Variants in GIMAP8 observed in about 807,000 individuals in gnomAD.
The protein encoded by GIMAP8 is GTPase, IMAP family member 8, also known as GTPase IMAP family member 8.
Under a neutral mutation model 35.6 loss-of-function variants are expected in GIMAP8, and 29 were observed. The ratio of observed to expected loss-of-function variants is 0.81; its 90% CI spans 0.61 to 1.11. GIMAP8 has a LOEUF of 1.11. Among genes scored for constraint, GIMAP8 ranks in the 50% most tolerant of loss-of-function variants. The probability of loss-of-function intolerance (pLI) is 0.00; values close to 1 mark genes in which losing one functional copy is unlikely to be tolerated. For synonymous variants in GIMAP8, 335 were observed against 308.7 expected (o/e 1.09, Z -0.89); for missense variants, 811 against 805.0 (o/e 1.01, Z -0.09).
rs1397323434 is a variant in GIMAP8 at position 150,474,653 on chromosome 7, A to G, written c.1309+15A>G. ...CAGAGAAAAAGGTAAAACTGTGAATAGGATATATATTTTTACATATATCAT... is the reference window on the plus strand; with the variant it reads ...CAGAGAAAAAGGTAAAACTGTGAATGGGATATATATTTTTACATATATCAT... On this transcript the variant is annotated intron_variant, in intron 4 of 4. Coordinates refer to ENST00000307271, the MANE Select transcript of GIMAP8 (RefSeq NM_175571.4). 1 of 1,501,234 alleles carries G rather than the reference A, an allele frequency of 6.7e-7. No individual in the cohort carries two copies. Among genetic ancestry groups the G allele is most frequent in the African/African-American group, 1.4e-5 (1 of 71,618 alleles). 93.0% of individuals were successfully genotyped at this position (1,501,234 alleles called of 1,614,324 possible).
intron 1 of GIMAP8, among the ~76,000 whole-genome samples, chr7:150,454,767 T>C (rs962772128): frequency 6.6e-6 from 1 of 152,214 alleles, no homozygotes; most frequent in Non-Finnish European, 1.5e-5. Flanking sequence ...GTAGTAGATG[T>C]CTCAATACAT....
chr7:150,469,405 T>C (rs1802040545), intron 2 of GIMAP8, among the ~76,000 whole-genome samples: 1 of 152,234 alleles, frequency 6.6e-6, no homozygotes, highest in South Asian at 2.1e-4. Flanking sequence ...ATTTCACTGG[T>C]TGTCTACCTA....
rs888530912 is a variant in GIMAP8, at chr7:150,478,057, G to A, written c.*277G>A. 11 of 461,980 alleles carry A rather than the reference G, an allele frequency of 2.4e-5. No individual in the cohort carries two copies. Among genetic ancestry groups the A allele is most frequent in the African/African-American group, 2.1e-4 (11 of 51,354 alleles). The allele number at this position is 461,980 out of a possible 1,614,324, so 28.6% of individuals were successfully genotyped here. A position where few individuals can be genotyped will look rare whatever the true frequency, so the allele number is the denominator to read the frequency against. On this transcript the variant is annotated 3_prime_UTR_variant, in exon 5 of 5. Coordinates refer to ENST00000307271, the MANE Select transcript of GIMAP8 (RefSeq NM_175571.4). The stretch of plus-strand genomic sequence containing the variant: ...GGCTGATAATAAGTGGTAGAATCAA[G>A]TCACAAGAATCACCTCACTTGTGTA...
At chr7:150,459,450 A>T (rs1472394043) in intron 1 of GIMAP8, among the ~76,000 whole-genome samples, 1 of 152,162 alleles carries the variant, frequency 6.6e-6, no homozygotes, top group Non-Finnish European at 1.5e-5. Flanking sequence ...CGAAGTAAAA[A>T]TGTTGCTAGT....
chr7:150,477,798 G>T lies in GIMAP8; in HGVS notation c.*18G>T, dbSNP rs770064512. 3 of 1,589,268 alleles carry T rather than the reference G, an allele frequency of 1.9e-6. No homozygotes were observed. Among genetic ancestry groups the T allele is most frequent in the South Asian group, 2.2e-5 (2 of 88,990 alleles). ...TACAATAGGTAGCCGAAGTGCCTGGGGTCTCTTCAATTAGAGACACCCTCA... is the reference window on the plus strand; with the variant it reads ...TACAATAGGTAGCCGAAGTGCCTGGTGTCTCTTCAATTAGAGACACCCTCA... On this transcript the variant is annotated 3_prime_UTR_variant, in exon 5 of 5. Transcript: ENST00000307271.
At chr7:150,455,138 C>CAA (rs57359256) in intron 1 of GIMAP8, among the ~76,000 whole-genome samples, 4 of 123,994 alleles carry the variant, frequency 3.2e-5, no homozygotes, top group Non-Finnish European at 6.8e-5. Flanking sequence ...AATTCCATCT[C>CAA]AAAAAAAAAA....
intron 4 of GIMAP8, 35 bp downstream of exon 4, chr7:150,474,673 T>C (rs752216427): frequency 1.5e-6 from 2 of 1,327,984 alleles, no homozygotes; most frequent in Non-Finnish European, 2.0e-6. Flanking sequence ...TTTTTACATA[T>C]ATCATTTAAA....
At chr7:150,474,689 G>A (rs747021994) in intron 4 of GIMAP8, 51 bp downstream of exon 4, 2 of 1,152,660 alleles carry the variant, frequency 1.7e-6, no homozygotes, top group Non-Finnish European at 2.3e-6. Flanking sequence ...TTAAAAATAG[G>A]TATAAAATAT....
chr7:150,462,388 A>G (rs1801860999), intron 1 of GIMAP8, among the ~76,000 whole-genome samples: 1 of 152,142 alleles, frequency 6.6e-6, no homozygotes, highest in African/African-American at 2.4e-5. Flanking sequence ...TAGTAATAAC[A>G]TTTGATTCCT....
At chr7:150,473,575 G>A (rs909251610) in intron 3 of GIMAP8, among the ~76,000 whole-genome samples, 25 of 149,110 alleles carry the variant, frequency 1.7e-4, no homozygotes, top group Admixed American at 1.4e-3. Context: ...ACTGCATATC[G>A]CTAGTTCACT....
chr7:150,474,783 T>C, intron 4 of GIMAP8, 145 bp downstream of exon 4: 1 of 474,140 alleles, frequency 2.1e-6, no homozygotes. Context: ...TGCAGGTTAG[T>C]TACATATGTA....
rs1185606527 is a variant in GIMAP8, at chr7:150,451,654, C to A, written c.-29+479C>A. Among the ~76,000 whole-genome samples the A allele has an allele frequency of 2.0e-5, 3 of 152,124 alleles. No homozygotes were observed. The highest frequency in any genetic ancestry group is 4.4e-5 in the Non-Finnish European group (3 of 68,022). On this transcript the variant is annotated intron_variant, in intron 1 of 4. Transcript: ENST00000307271. This position sits in a 1 kb window ranked among gnomAD's most constrained non-coding sequence, Gnocchi z 4.1. ...GATGCCCCATGAAGCTAGATGGTGC[C>A]GCAGAGCAGCCCCCAGGAGGAAGCC...
At chr7:150,466,361 G>T (rs1442337695) in intron 1 of GIMAP8, among the ~76,000 whole-genome samples, 2 of 151,818 alleles carry the variant, frequency 1.3e-5, no homozygotes, top group African/African-American at 4.8e-5. Context: ...TTAATTATGA[G>T]ATTTCCTTCA....
At chr7:150,452,653 A>ATGTG (rs1240322026) in intron 1 of GIMAP8, among the ~76,000 whole-genome samples, 9 of 123,650 alleles carry the variant, frequency 7.3e-5, no homozygotes, top group Admixed American at 1.8e-4. Flanking sequence ...ATGTGTGTAT[A>ATGTG]TGTGTGTGTG....
Position 150,472,376 on chromosome 7 carries a change from A to G in GIMAP8, c.682+1502A>G, listed in dbSNP as rs1001087296. On this transcript the variant is annotated intron_variant, in intron 3 of 4. Transcript: ENST00000307271. This position sits in a 1 kb window ranked among gnomAD's most constrained non-coding sequence, Gnocchi z 4.1. ...CTAAAGCCATCAGGAGGCAGCTGTCATCTATTTAGCCAGTGCAGGGGATGT... is the reference window on the plus strand; with the variant it reads ...CTAAAGCCATCAGGAGGCAGCTGTCGTCTATTTAGCCAGTGCAGGGGATGT... 2.6e-5 allele frequency among the ~76,000 whole-genome samples: 4 copies of G among 152,220 alleles called. No individual in the cohort carries two copies. Among genetic ancestry groups the G allele is most frequent in the African/African-American group, 7.2e-5 (3 of 41,466 alleles).
chr7:150,465,965 C>T (rs577982935), intron 1 of GIMAP8, among the ~76,000 whole-genome samples: 19 of 152,140 alleles, frequency 1.2e-4, no homozygotes, highest in Non-Finnish European at 2.2e-4. Flanking sequence ...GGTTAAGTGG[C>T]CTCTACAGAT....
intron 1 of GIMAP8, among the ~76,000 whole-genome samples, chr7:150,463,541 G>T (rs561483480): frequency 2.2e-4 from 33 of 152,288 alleles, no homozygotes; most frequent in African/African-American, 7.7e-4. Flanking sequence ...ATTGGGTAGG[G>T]TGCTTTGGCT....
At chr7:150,455,080 G>A (rs1381669438) in intron 1 of GIMAP8, among the ~76,000 whole-genome samples, 5 of 150,662 alleles carry the variant, frequency 3.3e-5, no homozygotes, top group Non-Finnish European at 7.4e-5. Context: ...AGAGGTTGCA[G>A]TGGGCCAAGA....
Position 150,470,164 on chromosome 7 carries a change from A to G in GIMAP8, c.637-665A>G, listed in dbSNP as rs2116609499. On this transcript the variant is annotated intron_variant, in intron 2 of 4. Coordinates refer to ENST00000307271, the MANE Select transcript of GIMAP8 (RefSeq NM_175571.4). ...GGCTATGTAAGGTTAAAGAAATCTGATAATGACAGCTAAATGGAGAGGATG... is the reference window on the plus strand; with the variant it reads ...GGCTATGTAAGGTTAAAGAAATCTGGTAATGACAGCTAAATGGAGAGGATG... Among the ~76,000 whole-genome samples, 3 of 152,364 alleles carry G rather than the reference A, an allele frequency of 2.0e-5. 1 individual carries two copies. In the Middle Eastern group the frequency reaches 0.01, roughly 518 times the overall value.
Sources: allele counts gnomAD v4.1 joint callset (sites outside exome capture counted in the v4.1 genomes callset), GRCh38; gene constraint gnomAD v4.1.1; non-coding constraint Gnocchi (gnomAD v3.1); transcripts MANE v1.5; gene names NCBI Gene and HGNC (gene_info 2026-07-23, HGNC 2026-07-21).